ADARB2: variants seen among roughly 807,000 people sequenced by gnomAD.
ADARB2 encodes inactive double-stranded RNA-specific editase B2.
Under a neutral mutation model 62.2 loss-of-function variants are expected in ADARB2, and 25 were observed. That is an observed-to-expected ratio of 0.40 (90% CI 0.29 to 0.56). The LOEUF is 0.56. ADARB2 is among the 20% of genes least tolerant of loss of function. The pLI, the probability that ADARB2 is intolerant of heterozygous loss-of-function variation, is 0.43. For missense variants in ADARB2, 1,071 were observed against 1,077.4 expected (o/e 0.99, Z 0.08); for synonymous variants, 572 against 500.8 (o/e 1.14, Z -1.90).
Position 1,516,119 on chromosome 10 carries a change from C to T in ADARB2, c.101-136959G>A, listed in dbSNP as rs78401689. Among the ~76,000 whole-genome samples, 85 of 152,352 alleles carry T rather than the reference C, an allele frequency of 5.6e-4. No homozygotes were observed. The East Asian group carries it at 0.013, about 24-fold the overall frequency. On this transcript the variant is annotated intron_variant, in intron 1 of 9. Coordinates refer to ENST00000381312, the MANE Select transcript of ADARB2 (RefSeq NM_018702.4). Reference sequence around the variant, plus strand: ...ACCACACCCTCTTCCCAGAGGACGACCCTGCTGTGATACAGACCGGGGTGC... The same window carrying T: ...ACCACACCCTCTTCCCAGAGGACGATCCTGCTGTGATACAGACCGGGGTGC...
At chr10:1,365,603 G>C (rs1335037481) in intron 2 of ADARB2, among the ~76,000 whole-genome samples, 1 of 152,130 alleles carries the variant, frequency 6.6e-6, no homozygotes, top group Non-Finnish European at 1.5e-5. Context: ...CATCAGACTG[G>C]CAAGCACTTT....
intron 1 of ADARB2, among the ~76,000 whole-genome samples, chr10:1,714,507 GCA>G (rs1213809929): frequency 1.3e-5 from 2 of 152,190 alleles, no homozygotes; most frequent in African/African-American, 4.8e-5. Flanking sequence ...TTGAATCTGT[GCA>G]CACTTTCAGA....
chr10:1,518,197 G>A (rs1012231939), intron 1 of ADARB2, among the ~76,000 whole-genome samples: 1 of 152,206 alleles, frequency 6.6e-6, no homozygotes, highest in South Asian at 2.1e-4. Flanking sequence ...TGTGTTGGCC[G>A]CATGAGCTTC....
chr10:1,285,360 G>T (rs1320041642), intron 3 of ADARB2, among the ~76,000 whole-genome samples: 1 of 149,128 alleles, frequency 6.7e-6, no homozygotes, highest in Admixed American at 6.7e-5. Context: ...TGGTAGGTGG[G>T]ACTGGGTGGG....
chr10:1,647,084 T>C (rs746725768), intron 1 of ADARB2, among the ~76,000 whole-genome samples: 3 of 152,262 alleles, frequency 2.0e-5, no homozygotes, highest in Non-Finnish European at 4.4e-5. Context: ...GTGTTATTCA[T>C]TACAGTGCCT....
intron 1 of ADARB2, among the ~76,000 whole-genome samples, chr10:1,593,106 T>C (rs1476702957): frequency 1.2e-4 from 12 of 101,048 alleles, no homozygotes; most frequent in African/African-American, 2.9e-4. Context: ...ATAGGTCTCC[T>C]CTCTGGCATG....
In ADARB2 at chr10:1,609,480, G is replaced by A. The variant is rs1430014771; in HGVS notation, c.100+127571C>T. 2.0e-5 allele frequency among the ~76,000 whole-genome samples: 3 copies of A among 152,174 alleles called. No homozygotes were observed. In the East Asian group the frequency reaches 5.8e-4, roughly 29 times the overall value. On this transcript the variant is annotated intron_variant, in intron 1 of 9. Transcript: ENST00000381312. The stretch of plus-strand genomic sequence containing the variant: ...TCAGGGCCAAGAAGCCTCCTGGCCC[G>A]AGGACCCACAAATCTGCTCTCCTGC...
intron 1 of ADARB2, among the ~76,000 whole-genome samples, chr10:1,513,769 C>T (rs1262443239): frequency 1.3e-5 from 2 of 152,170 alleles, no homozygotes; most frequent in Non-Finnish European, 2.9e-5. Flanking sequence ...AGAGTTGGAT[C>T]ACAGCTAATC....
intron 1 of ADARB2, among the ~76,000 whole-genome samples, chr10:1,510,113 T>TTTCTTTCTTTCTTTCTTTCTTTC (rs1831910587): frequency 1.5e-5 from 1 of 67,430 alleles, no homozygotes; most frequent in African/African-American, 6.6e-5. Flanking sequence ...TCTTTCTCTC[T>TTTCTTTCTTTCTTTCTTTCTTTC]TTCTTTCTTT....
intron 1 of ADARB2, among the ~76,000 whole-genome samples, chr10:1,468,615 G>A (rs1296963725): frequency 2.0e-5 from 3 of 152,208 alleles, no homozygotes; most frequent in African/African-American, 7.2e-5. Context: ...AAGCCTCTAG[G>A]TCTGCCAAAG....
chr10:1,457,281 G>C (rs1487928029), intron 1 of ADARB2, among the ~76,000 whole-genome samples: 1 of 152,192 alleles, frequency 6.6e-6, no homozygotes, highest in African/African-American at 2.4e-5. Flanking sequence ...TGGCCAGGGC[G>C]CTGGACACGA....
chr10:1,565,684 T>C (rs2131988976), intron 1 of ADARB2, among the ~76,000 whole-genome samples: 1 of 152,338 alleles, frequency 6.6e-6, no homozygotes, highest in Non-Finnish European at 1.5e-5. Context: ...AAGCAGCTTT[T>C]TCCTCCTGTT....
Position 1,217,005 on chromosome 10 carries a change from C to G in ADARB2, c.1628G>C (p.Gly543Ala). 6.2e-7 allele frequency: 1 copy of G among 1,610,826 alleles called. No homozygotes were observed. Among genetic ancestry groups the G allele is most frequent in the Non-Finnish European group, 8.5e-7 (1 of 1,179,732 alleles). ...RGPSAVQTWDGVLLGEQLITM... is the reference protein window; with the variant it reads ...RGPSAVQTWDAVLLGEQLITM... ...GATCAGCTGCTCCCCCAGCAGGACG[C>G]CGTCCCAGGTCTGCACTGCGCTGGG... The change falls in exon 7 of 10, where the codon GGC (glycine) becomes GCC (alanine). Residue 543 changes from glycine to alanine, a missense_variant. Gly to Ala is a moderately conservative substitution (Grantham distance 60, BLOSUM62 0). Coordinates refer to ENST00000381312, the MANE Select transcript of ADARB2 (RefSeq NM_018702.4).
At chr10:1,215,193 G>A (rs905984155) in intron 7 of ADARB2, among the ~76,000 whole-genome samples, 11 of 152,222 alleles carry the variant, frequency 7.2e-5, no homozygotes, top group Non-Finnish European at 1.2e-4. Flanking sequence ...CTTAGGATGG[G>A]TAAACAGTTG....
intron 3 of ADARB2, among the ~76,000 whole-genome samples, chr10:1,349,116 C>T (rs1279848055): frequency 6.6e-6 from 1 of 152,118 alleles, no homozygotes; most frequent in Non-Finnish European, 1.5e-5. Flanking sequence ...CATTCCACCA[C>T]AAAAGAAGTG....
intron 1 of ADARB2, among the ~76,000 whole-genome samples, chr10:1,573,174 G>A (rs547325267): frequency 6.6e-6 from 1 of 152,346 alleles, no homozygotes; most frequent in Non-Finnish European, 1.5e-5. Flanking sequence ...GGCTCTGTGT[G>A]CTTGTCTGGG....
At chr10:1,474,307 C>G (rs995022567) in intron 1 of ADARB2, among the ~76,000 whole-genome samples, 9 of 152,172 alleles carry the variant, frequency 5.9e-5, no homozygotes, top group African/African-American at 2.2e-4. Context: ...GACGGCATGG[C>G]CCTGGGGAGG....
intron 1 of ADARB2, among the ~76,000 whole-genome samples, chr10:1,518,852 G>T (rs1832038996): frequency 6.6e-6 from 1 of 151,306 alleles, no homozygotes; most frequent in African/African-American, 2.4e-5. Flanking sequence ...ACGTCTGCCT[G>T]TGGTGTGGTC....
In ADARB2 at chr10:1,363,375, C is replaced by A; in HGVS notation, c.730G>T (p.Ala244Ser). The part of the protein sequence containing the change: ...PGLAGGRPGD[A>S]ALLSAAYGRR... ...CCGTAGGCCGCGGACAGAAGCGCGG[C>A]GTCCCCGGGGCGGCCTCCCGCGAGT... The change falls in exon 3 of 10, where the codon GCC (alanine) becomes TCC (serine). Residue 244 changes from alanine to serine, a missense_variant. Coordinates refer to ENST00000381312, the MANE Select transcript of ADARB2 (RefSeq NM_018702.4). 7.6e-7 allele frequency: 1 copy of A among 1,322,068 alleles called. No individual in the cohort carries two copies. 81.9% of individuals were successfully genotyped at this position (1,322,068 alleles called of 1,614,324 possible).
Sources: gnomAD v4.1 joint callset for allele counts (sites outside exome capture counted in the v4.1 genomes callset) on GRCh38, gnomAD v4.1.1 for gene constraint, MANE v1.5 for transcripts, NCBI Gene and HGNC (gene_info 2026-07-23, HGNC 2026-07-21) for gene names.